CXCL13: variants seen among roughly 807,000 people sequenced by gnomAD.
CXCL13 encodes the protein C-X-C motif chemokine ligand 13, also known as C-X-C motif chemokine 13.
CXCL13 carries 7 observed loss-of-function variants against 12.2 expected under a neutral mutation model. The ratio of observed to expected loss-of-function variants is 0.57; its 90% CI spans 0.33 to 1.07. The LOEUF is 1.07. CXCL13 is among the 50% of genes least tolerant of loss of function. CXCL13 has a pLI of 0.04. For synonymous variants in CXCL13, 47 were observed against 42.4 expected (o/e 1.11, Z -0.42); for missense variants, 113 against 127.4 (o/e 0.89, Z 0.55).
chr4:77,527,133 C>A (rs57200904), intron 1 of CXCL13, among the ~76,000 whole-genome samples: 2,988 of 152,210 alleles, frequency 0.02, 100 homozygotes, highest in African/African-American at 0.069. Flanking sequence ...CAAATAATCA[C>A]ATGAAAAGAT....
intron 1 of CXCL13, among the ~76,000 whole-genome samples, chr4:77,537,871 G>C (rs564984128): frequency 6.6e-6 from 1 of 152,244 alleles, no homozygotes. Context: ...TGTCTAGAGG[G>C]ATGAACTCTT....
chr4:77,594,723 G>A (rs185960663), intron 1 of CXCL13, among the ~76,000 whole-genome samples: 2 of 152,214 alleles, frequency 1.3e-5, no homozygotes, highest in East Asian at 1.9e-4. Context: ...GACACTGGGA[G>A]GGGAACAACA....
At chr4:77,604,924 T>C (rs985887805), upstream of CXCL13, among the ~76,000 whole-genome samples, 14 of 152,226 alleles carry the variant, frequency 9.2e-5, no homozygotes. Context: ...TAGGCCAGAC[T>C]AGCCAGTCTA....
chr4:77,601,827 T>G (rs1168948211), upstream of CXCL13, among the ~76,000 whole-genome samples: 6 of 152,232 alleles, frequency 3.9e-5, no homozygotes, highest in South Asian at 2.1e-4. Flanking sequence ...TTACTGATAC[T>G]GGTGGCCTGG....
At chr4:77,559,392 T>C (rs1054137870) in intron 1 of CXCL13, among the ~76,000 whole-genome samples, 2 of 152,136 alleles carry the variant, frequency 1.3e-5, no homozygotes, top group African/African-American at 4.8e-5. Context: ...CTAATTGGGG[T>C]GAGAAGGCTG....
intron 1 of CXCL13, among the ~76,000 whole-genome samples, chr4:77,515,791 C>A (rs1243535648): frequency 6.6e-6 from 1 of 152,174 alleles, no homozygotes; most frequent in Non-Finnish European, 1.5e-5. Context: ...TAACTGAATA[C>A]CCTTTATTTC....
intron 1 of CXCL13, among the ~76,000 whole-genome samples, chr4:77,581,954 A>G (rs1726343725): frequency 6.6e-6 from 1 of 152,172 alleles, no homozygotes; most frequent in Non-Finnish European, 1.5e-5. Context: ...CTCTTCTATT[A>G]AAGTTCACTA....
chr4:77,539,212 C>T (rs1725142065), intron 1 of CXCL13, among the ~76,000 whole-genome samples: 1 of 152,082 alleles, frequency 6.6e-6, no homozygotes, highest in Non-Finnish European at 1.5e-5. Context: ...TACAGGCATG[C>T]ACCCAGAGTT....
chr4:77,515,400 T>A (rs1177955359), intron 1 of CXCL13, among the ~76,000 whole-genome samples: 1 of 152,184 alleles, frequency 6.6e-6, no homozygotes, highest in Non-Finnish European at 1.5e-5. Context: ...CCTTGGGCAG[T>A]ATGGCCATTT....
intron 1 of CXCL13, among the ~76,000 whole-genome samples, chr4:77,517,681 T>C (rs2110078378): frequency 6.6e-6 from 1 of 152,326 alleles, no homozygotes; most frequent in Admixed American, 6.5e-5. Flanking sequence ...TCCATCCCTT[T>C]ATTTTGAGCC....
At chr4:77,561,387 A>T (rs1241231528) in intron 1 of CXCL13, among the ~76,000 whole-genome samples, 1 of 152,216 alleles carries the variant, frequency 6.6e-6, no homozygotes, top group Non-Finnish European at 1.5e-5. Flanking sequence ...TCTATATAAA[A>T]GTGGTTCTCC....
intron 1 of CXCL13, among the ~76,000 whole-genome samples, chr4:77,553,081 G>A (rs1030735759): frequency 3.3e-4 from 50 of 152,228 alleles, no homozygotes; most frequent in African/African-American, 1.0e-3. Context: ...ACTGCATCAC[G>A]GTCTTAGGGT....
intron 1 of CXCL13, among the ~76,000 whole-genome samples, chr4:77,530,810 C>T (rs1724894993): frequency 6.6e-6 from 1 of 152,102 alleles, no homozygotes; most frequent in Admixed American, 6.6e-5. Flanking sequence ...TTCTTGCCTT[C>T]TGCTAGCTTT....
chr4:77,531,754 G>C (rs1360091457), intron 1 of CXCL13, among the ~76,000 whole-genome samples: 1 of 152,086 alleles, frequency 6.6e-6, no homozygotes, highest in Non-Finnish European at 1.5e-5. Context: ...TATATATTTA[G>C]GATAGTTAGC....
At chr4:77,528,634 T>C (rs1461374700) in intron 1 of CXCL13, among the ~76,000 whole-genome samples, 3 of 152,242 alleles carry the variant, frequency 2.0e-5, no homozygotes, top group Non-Finnish European at 4.4e-5. Flanking sequence ...TGTTTGTTTT[T>C]TTCTTGTAAA....
At chr4:77,542,717 C>T (rs765201818) in intron 1 of CXCL13, among the ~76,000 whole-genome samples, 1 of 152,202 alleles carries the variant, frequency 6.6e-6, no homozygotes, top group Non-Finnish European at 1.5e-5. Context: ...ATGAAGCCTA[C>T]TTGATCATGG....
intron 1 of CXCL13, among the ~76,000 whole-genome samples, chr4:77,531,502 C>T (rs1293537091): frequency 1.3e-5 from 2 of 151,914 alleles, no homozygotes; most frequent in Non-Finnish European, 2.9e-5. Flanking sequence ...TGGTGTGATG[C>T]TGAAAAGAAT....
At position 77,535,239 on chromosome 4, in the gene CXCL13, T is replaced by A. The variant is rs1470074015; in HGVS notation, c.-43+23451T>A. Among the ~76,000 whole-genome samples, 3 of 152,208 alleles carry A rather than the reference T, an allele frequency of 2.0e-5. No individual in the cohort carries two copies. In the East Asian group the frequency reaches 5.8e-4, roughly 29 times the overall value. On this transcript the variant is annotated intron_variant, in intron 1 of 4. Coordinates refer to the CXCL13 transcript ENST00000286758. ...ACTCTGTTTTGCATTCAATATTCAA[T>A]CATTCATTCATTCATTTATACTGTA... is the stretch of plus-strand genomic sequence containing the variant.
intron 1 of CXCL13, among the ~76,000 whole-genome samples, chr4:77,515,660 A>G (rs1301456044): frequency 6.6e-6 from 1 of 152,134 alleles, no homozygotes; most frequent in African/African-American, 2.4e-5. Flanking sequence ...TTGATTTTGT[A>G]TCCTGAGACT....
Sources: allele counts gnomAD v4.1 joint callset (sites outside exome capture counted in the v4.1 genomes callset), GRCh38; gene constraint gnomAD v4.1.1; transcripts MANE v1.5; gene names NCBI Gene and HGNC (gene_info 2026-07-23, HGNC 2026-07-21).